PCSK6: variants seen among roughly 807,000 people sequenced by gnomAD.
The protein encoded by PCSK6 is proprotein convertase subtilisin/kexin type 6, also known as paired basic amino acid cleaving enzyme 4.
In PCSK6, 85 loss-of-function variants were observed where a neutral mutation model predicts 123.3. That is an observed-to-expected ratio of 0.69 (90% CI 0.58 to 0.83). The LOEUF (loss-of-function observed/expected upper bound fraction) is 0.83, where lower values mean the gene tolerates loss of function less well. Ranked by LOEUF, PCSK6 falls within the 40% of genes least tolerant of loss-of-function variation. The pLI, the probability that PCSK6 is intolerant of heterozygous loss-of-function variation, is 0.00. For synonymous variants in PCSK6, 508 were observed against 516.0 expected, an observed-to-expected ratio of 0.98 and a Z score of 0.21; for missense variants, 1,191 against 1,282.3, an observed-to-expected ratio of 0.93 and a Z score of 1.09.
Position 101,463,125 on chromosome 15 carries a change from G to A in PCSK6, c.298-19465C>T, listed in dbSNP as rs1175191252. On this transcript the variant is annotated intron_variant, in intron 1 of 21. Coordinates refer to ENST00000611716, the MANE Select transcript of PCSK6 (RefSeq NM_002570.5). ...ACTGTAAGAGACCTGGAGCCGTTGA[G>A]CATCAATGACTCTTTGACTCAGGAA... is the stretch of plus-strand genomic sequence containing the variant. The A allele has an allele frequency of 6.5e-6, 3 of 458,172 alleles. No homozygotes were observed. In the East Asian group the frequency reaches 2.0e-4, roughly 31 times the overall value. 28.4% of individuals were successfully genotyped at this position (458,172 alleles called of 1,614,324 possible).
chr15:101,314,540 T>C (rs1251197770), intron 19 of PCSK6, among the ~76,000 whole-genome samples: 2 of 152,194 alleles, frequency 1.3e-5, no homozygotes, highest in Non-Finnish European at 2.9e-5. Context: ...ATGGGGCCTC[T>C]CGCTGCATCA....
chr15:101,313,758 T>C (rs531036122), intron 19 of PCSK6: 32 of 436,444 alleles, frequency 7.3e-5, no homozygotes, highest in South Asian at 3.2e-4. Flanking sequence ...ACCTGCCCAC[T>C]GGCCGTGCCA....
intron 12 of PCSK6, among the ~76,000 whole-genome samples, chr15:101,370,112 C>T (rs1284393114): frequency 6.6e-6 from 1 of 152,200 alleles, no homozygotes; most frequent in African/African-American, 2.4e-5. Flanking sequence ...GAAAGTTTTC[C>T]AGGACCTTTT....
At chr15:101,332,588 G>A (rs2040394718) in intron 13 of PCSK6, among the ~76,000 whole-genome samples, 1 of 152,218 alleles carries the variant, frequency 6.6e-6, no homozygotes, top group Admixed American at 6.5e-5. Context: ...GACAGTGAGG[G>A]ATGTTCTGGG....
intron 13 of PCSK6, among the ~76,000 whole-genome samples, chr15:101,356,997 T>C (rs2041064332): frequency 6.6e-6 from 1 of 152,252 alleles, no homozygotes; most frequent in South Asian, 2.1e-4. Context: ...GATCACTTAA[T>C]TACTTCATAA....
intron 19 of PCSK6, among the ~76,000 whole-genome samples, chr15:101,314,692 TGG>T (rs966818958): frequency 4.6e-5 from 7 of 152,176 alleles, no homozygotes; most frequent in African/African-American, 1.7e-4. Flanking sequence ...AGCTCCTCCT[TGG>T]AGAGTCAGGA....
Position 101,403,709 on chromosome 15 carries a change from C to CTTTATTTATTTA in PCSK6, c.824-5145_824-5134dup, listed in dbSNP as rs71287805. Among the ~76,000 whole-genome samples the CTTTATTTATTTA allele has an allele frequency of 2.4e-4, 36 of 151,790 alleles. 1 individual carries two copies. Among genetic ancestry groups the CTTTATTTATTTA allele is most frequent in the Admixed American group, 3.3e-4 (5 of 15,220 alleles). ...ATTTTTGGATTATTCATGCCATTGC[C>CTTTATTTATTTA]TTTATTTATTTATTTATTTATTTAT... is the stretch of plus-strand genomic sequence containing the variant. On this transcript the variant is annotated intron_variant, in intron 6 of 21. Transcript: ENST00000611716.
intron 19 of PCSK6, among the ~76,000 whole-genome samples, chr15:101,317,709 C>G (rs557360734): frequency 2.0e-5 from 3 of 152,216 alleles, no homozygotes; most frequent in Non-Finnish European, 2.9e-5. Context: ...GAGTGGTGAG[C>G]ATCTCTTATC....
intron 13 of PCSK6, chr15:101,334,644 C>G (rs2040438162): frequency 6.6e-6 from 1 of 152,262 alleles, no homozygotes; most frequent in South Asian, 2.1e-4. Context: ...GATGGTAGGA[C>G]AGGGACCAAG....
rs573329081 is a variant in PCSK6, at chr15:101,327,488, C to T, written c.2078-1009G>A. On this transcript the variant is annotated intron_variant, in intron 15 of 21. Coordinates refer to ENST00000611716, the MANE Select transcript of PCSK6 (RefSeq NM_002570.5). ...CTACGCTGGGAAACGGCCCAGGGGA[C>T]CCCGACAGCTCTGACACACAGGGAC... is the stretch of plus-strand genomic sequence containing the variant. 1.8e-4 allele frequency among the ~76,000 whole-genome samples: 28 copies of T among 152,264 alleles called. 1 individual carries two copies. Among genetic ancestry groups the T allele is most frequent in the African/African-American group, 5.3e-4 (22 of 41,528 alleles).
At chr15:101,439,959 T>C (rs2056710369) in intron 2 of PCSK6, among the ~76,000 whole-genome samples, 1 of 152,004 alleles carries the variant, frequency 6.6e-6, no homozygotes, top group Non-Finnish European at 1.5e-5. Context: ...GGAAAAGAGC[T>C]GAACCCAAGT....
intron 13 of PCSK6, among the ~76,000 whole-genome samples, chr15:101,344,073 C>T (rs1362510028): frequency 6.7e-6 from 1 of 149,724 alleles, no homozygotes; most frequent in Admixed American, 6.7e-5. Flanking sequence ...AAGATTCTGT[C>T]TCAAAAAAAA....
At chr15:101,436,454 G>C (rs2056604502) in intron 2 of PCSK6, among the ~76,000 whole-genome samples, 1 of 152,198 alleles carries the variant, frequency 6.6e-6, no homozygotes, top group Non-Finnish European at 1.5e-5. Context: ...TTTCTCCCTG[G>C]TTTCATCAAA....
intron 11 of PCSK6, among the ~76,000 whole-genome samples, chr15:101,374,520 T>C (rs1484006826): frequency 6.6e-6 from 1 of 152,130 alleles, no homozygotes; most frequent in Non-Finnish European, 1.5e-5. Context: ...ACAACGCACT[T>C]GCTTTGTTCC....
intron 12 of PCSK6, 125 bp from the exon 13 acceptor site, chr15:101,366,457 G>T: frequency 3.1e-6 from 3 of 980,972 alleles, no homozygotes; most frequent in Non-Finnish European, 4.4e-6. Flanking sequence ...CCAGGGTAGC[G>T]GGGGTCTGGC....
intron 1 of PCSK6, among the ~76,000 whole-genome samples, chr15:101,456,997 C>T (rs936052543): frequency 6.6e-6 from 1 of 152,054 alleles, no homozygotes; most frequent in Admixed American, 6.6e-5. Context: ...CATGGTGAAA[C>T]CCCGTCTCTA....
At chr15:101,325,129 AC>A in intron 16 of PCSK6, 83 bp from the exon 17 acceptor site, 1 of 999,982 alleles carries the variant, frequency 1.0e-6, no homozygotes, top group Non-Finnish European at 1.5e-6. Context: ...CTCTGAGGAA[AC>A]GAAGGCTTCA....
At chr15:101,436,528 C>A (rs895698670) in intron 2 of PCSK6, among the ~76,000 whole-genome samples, 1 of 152,228 alleles carries the variant, frequency 6.6e-6, no homozygotes, top group African/African-American at 2.4e-5. Context: ...ACCTGACTGT[C>A]CACCAGGGCA....
chr15:101,319,975 C>T (rs1279676249), intron 18 of PCSK6, among the ~76,000 whole-genome samples: 1 of 152,132 alleles, frequency 6.6e-6, no homozygotes, highest in Non-Finnish European at 1.5e-5. Context: ...GAAGCACAGG[C>T]TACCATGTGG....
Sources: allele counts gnomAD v4.1 joint callset (sites outside exome capture counted in the v4.1 genomes callset), GRCh38; gene constraint gnomAD v4.1.1; transcripts MANE v1.5; gene names NCBI Gene and HGNC (gene_info 2026-07-23, HGNC 2026-07-21).